The following CLCNKA variants were observed in gnomAD, a reference collection of about 807,000 sequenced individuals.
CLCNKA encodes chloride channel protein ClC-Ka.
Under a neutral mutation model 83.3 loss-of-function variants are expected in CLCNKA, and 66 were observed. The ratio of observed to expected loss-of-function variants is 0.79; its 90% CI spans 0.65 to 0.97. The LOEUF (loss-of-function observed/expected upper bound fraction) is 0.97. Ranked by LOEUF, CLCNKA falls within the 50% of genes least tolerant of loss-of-function variation. The probability of loss-of-function intolerance (pLI) is 0.00; values close to 1 mark genes in which losing one functional copy is unlikely to be tolerated. For synonymous variants in CLCNKA, 357 were observed against 370.4 expected (o/e 0.96, Z 0.42); for missense variants, 806 against 888.7 (o/e 0.91, Z 1.18).
rs774294391 is a variant in CLCNKA at position 16,026,141 on chromosome 1, C to T, written c.392C>T (p.Ala131Val). 1.8e-5 allele frequency: 29 copies of T among 1,612,998 alleles called. No individual in the cohort carries two copies. The highest frequency in any genetic ancestry group is 1.1e-4 in the African/African-American group (8 of 74,876). ...SGIPELKTML[A>V]GVILEDYLDI... Reference sequence around the variant, plus strand: ...ATCCCGGAGCTGAAGACCATGTTGGCGGGTGTGATCTTGGAGGACTACCTG... The same window carrying T: ...ATCCCGGAGCTGAAGACCATGTTGGTGGGTGTGATCTTGGAGGACTACCTG... Residue 131 changes from alanine (A) to valine (V), a missense_variant, in exon 5 of 20, where the codon GCG becomes GTG. Physicochemically the swap from Ala to Val is moderately conservative, Grantham distance 64. Transcript: ENST00000331433.
Position 16,033,703 on chromosome 1 carries a change from C to T in CLCNKA, c.*45C>T, listed in dbSNP as rs1160046494. 4 of 1,598,716 alleles carry T rather than the reference C, an allele frequency of 2.5e-6. No homozygotes were observed. Among genetic ancestry groups the T allele is most frequent in the East Asian group, 4.5e-5 (2 of 44,272 alleles). The stretch of plus-strand genomic sequence containing the variant: ...ACAGGGCACCCCAGCTGACCTGGTA[C>T]TGAGGTTGGGCTGAGACCCTGCTTC... On this transcript the variant is annotated 3_prime_UTR_variant, in exon 20 of 20. Coordinates refer to ENST00000331433, the MANE Select transcript of CLCNKA (RefSeq NM_004070.4).
chr1:16,033,164 A>T lies in CLCNKA; in HGVS notation c.1930-6A>T, dbSNP rs199497560. On this transcript the variant is annotated splice_polypyrimidine_tract_variant and splice_region_variant and intron_variant, in intron 18 of 19. Transcript: ENST00000331433. Reference sequence around the variant, plus strand: ...CTCCAGTGTTTCCTAACAATCCCCCATCCAGGCACAAAACCTCTTTAAGCT... The same window carrying T: ...CTCCAGTGTTTCCTAACAATCCCCCTTCCAGGCACAAAACCTCTTTAAGCT... 3.7e-6 allele frequency: 6 copies of T among 1,613,950 alleles called. No individual in the cohort carries two copies. The South Asian group carries it at 4.4e-5, about 12-fold the overall frequency.
intron 14 of CLCNKA, 77 bp downstream of exon 14, chr1:16,030,152 C>A (rs548408719): frequency 1.8e-6 from 2 of 1,117,376 alleles, no homozygotes; most frequent in East Asian, 2.5e-5. Context: ...TGGTGGTTCC[C>A]CAGGGCACGG....
In CLCNKA at chr1:16,024,738, C is replaced by T. The variant is rs1323570709; in HGVS notation, c.230-25C>T. 1.9e-6 allele frequency: 3 copies of T among 1,613,450 alleles called. No individual in the cohort carries two copies. In the Admixed American group the frequency reaches 5.0e-5, roughly 27 times the overall value. ...TGAGGGCTGCAGAGGCTGTGGGTGC[C>T]TCCCTGATACGCGGCTGTCCCCAGC... On this transcript the variant is annotated intron_variant, in intron 3 of 19. Coordinates refer to ENST00000331433, the MANE Select transcript of CLCNKA (RefSeq NM_004070.4).
intron 11 of CLCNKA, 45 bp from the exon 12 acceptor site, chr1:16,029,081 C>T (rs1256048270): frequency 1.9e-6 from 3 of 1,597,116 alleles, no homozygotes; most frequent in African/African-American, 1.4e-5. Context: ...GGGTCTGCCG[C>T]TGGGGGGGGC....
intron 2 of CLCNKA, among the ~76,000 whole-genome samples, chr1:16,023,188 G>T (rs1057400179): frequency 1.1e-4 from 17 of 152,204 alleles, no homozygotes; most frequent in Non-Finnish European, 2.2e-4. Flanking sequence ...AGTGCCAGTG[G>T]CTGGTGCCCA....
Position 16,031,858 on chromosome 1 carries a change from G to A in CLCNKA, c.1756+15G>A, listed in dbSNP as rs199510555. The A allele has an allele frequency of 2.2e-5, 35 of 1,613,678 alleles. No individual in the cohort carries two copies. The highest frequency in any genetic ancestry group is 2.8e-5 in the Non-Finnish European group (33 of 1,180,012). ...GGAGAGCACAGGTGCCCAGCTGGAA[G>A]GGAGGAGGAAGTCGGGGGTAGGGGA... On this transcript the variant is annotated intron_variant, in intron 16 of 19. Transcript: ENST00000331433.
At chr1:16,025,958 G>A (rs2022327693) in intron 4 of CLCNKA, 150 bp from the exon 5 acceptor site, 2 of 1,016,612 alleles carry the variant, frequency 2.0e-6, no homozygotes, top group East Asian at 5.1e-5. Flanking sequence ...GTTTCACCAT[G>A]TTGGCAAGGC....
chr1:16,024,756 T>C lies in CLCNKA; in HGVS notation c.230-7T>C. ...TGGGTGCCTCCCTGATACGCGGCTG[T>C]CCCCAGCACACCAGTGGCTGTACAG... On this transcript the variant is annotated splice_region_variant and splice_polypyrimidine_tract_variant and intron_variant, in intron 3 of 19. Coordinates refer to ENST00000331433, the MANE Select transcript of CLCNKA (RefSeq NM_004070.4). The C allele has an allele frequency of 1.2e-6, 2 of 1,613,886 alleles. No individual in the cohort carries two copies. The highest frequency in any genetic ancestry group is 1.7e-6 in the Non-Finnish European group (2 of 1,179,996).
At chr1:16,025,023 G>T in intron 4 of CLCNKA, 132 bp downstream of exon 4, 1 of 1,235,194 alleles carries the variant, frequency 8.1e-7, no homozygotes, top group South Asian at 1.2e-5. Context: ...CTTGCCTGAA[G>T]GCACACAGCA....
chr1:16,028,932 C>A, intron 11 of CLCNKA, 87 bp downstream of exon 11: 1 of 1,540,610 alleles, frequency 6.5e-7, no homozygotes, highest in Admixed American at 1.7e-5. Context: ...CCCTCAGCAC[C>A]CCACCAGGGT....
intron 16 of CLCNKA, 36 bp from the exon 17 acceptor site, chr1:16,032,167 A>G (rs1557457109): frequency 1.3e-6 from 2 of 1,584,230 alleles, no homozygotes; most frequent in South Asian, 1.1e-5. Flanking sequence ...GTTTCTTCAT[A>G]ATGCACCTCC....
intron 10 of CLCNKA, 53 bp from the exon 11 acceptor site, chr1:16,028,708 C>T (rs1437775788): frequency 4.4e-6 from 7 of 1,600,374 alleles, no homozygotes; most frequent in Non-Finnish European, 6.0e-6. Flanking sequence ...CTTCCCTCTC[C>T]TCGGGATGTA....
At chr1:16,023,645 T>A (rs1376604195) in intron 2 of CLCNKA, among the ~76,000 whole-genome samples, 155 bp from the exon 3 acceptor site, 1 of 152,174 alleles carries the variant, frequency 6.6e-6, no homozygotes, top group Admixed American at 6.5e-5. Flanking sequence ...CGTGGACAAC[T>A]TGCATTCCTC....
rs543414870 is a variant in CLCNKA, at chr1:16,029,268, T to G, written c.1196T>G (p.Phe399Cys). The change falls in exon 12 of 20, where the codon TTT becomes TGT. Residue 399 changes from phenylalanine (F) to cysteine (C), a missense_variant. Physicochemically the swap from Phe to Cys is radical, Grantham distance 205 (BLOSUM62 -2). Transcript: ENST00000331433. ...WEWYHPRFTI[F>C]GTLAFFLVMK... ...TGGTACCACCCGCGGTTCACCATCT[T>G]TGGGACCCTTGCCTTCTTCCTGGTT... 25 of 1,613,794 alleles carry G rather than the reference T, an allele frequency of 1.5e-5. No individual in the cohort carries two copies. The highest frequency in any genetic ancestry group is 2.7e-5 in the African/African-American group (2 of 74,928).
intron 8 of CLCNKA, 31 bp downstream of exon 8, chr1:16,027,466 C>T (rs2022414368): frequency 1.2e-6 from 2 of 1,612,038 alleles, no homozygotes; most frequent in African/African-American, 1.3e-5. Context: ...GACCCTGGCC[C>T]TGCCTGGGGG....
chr1:16,028,597 AG>A, intron 10 of CLCNKA, 163 bp from the exon 11 acceptor site: 1 of 836,094 alleles, frequency 1.2e-6, no homozygotes, highest in Non-Finnish European at 2.0e-6. Context: ...TACCCGCTGG[AG>A]GGGGCCATGT....
chr1:16,025,861 TCTC>T (rs2022324724), intron 4 of CLCNKA, among the ~76,000 whole-genome samples: 1 of 151,990 alleles, frequency 6.6e-6, no homozygotes, highest in Non-Finnish European at 1.5e-5. Flanking sequence ...TTCAAGCAAT[TCTC>T]CTGCCTCAGC....
chr1:16,026,583 T>C lies in CLCNKA; in HGVS notation c.546T>C (p.Arg182=). 6.2e-7 allele frequency: 1 copy of C among 1,613,982 alleles called. No individual in the cohort carries two copies. The highest frequency in any genetic ancestry group is 8.5e-7 in the Non-Finnish European group (1 of 1,180,002). Residue 182 remains arginine, a synonymous_variant, in exon 6 of 20, where the codon CGT becomes CGC. Transcript: ENST00000331433. The part of the protein sequence containing the change: ...LSVMIAAYLG[R]VRTTTIGEPE... ...TAATGATCGCTGCCTACCTGGGCCG[T>C]GTGCGCACCACGACCATCGGGGAGC...
Sources: gnomAD v4.1 joint callset for allele counts (sites outside exome capture counted in the v4.1 genomes callset) on GRCh38, gnomAD v4.1.1 for gene constraint, MANE v1.5 for transcripts, NCBI Gene and HGNC (gene_info 2026-07-23, HGNC 2026-07-21) for gene names.